MVB12B: variants seen among roughly 807,000 people sequenced by gnomAD.
MVB12B encodes the protein ESCRT-I complex subunit MVB12B.
MVB12B carries 16 observed loss-of-function variants against 41.6 expected under a neutral mutation model. That is an observed-to-expected ratio of 0.38 (90% CI 0.26 to 0.58). The LOEUF (loss-of-function observed/expected upper bound fraction) is 0.58, where lower values mean the gene tolerates loss of function less well. Ranked by LOEUF, MVB12B falls within the 20% of genes least tolerant of loss-of-function variation. The pLI is 0.62. For synonymous variants in MVB12B, 133 were observed against 139.7 expected (o/e 0.95, Z 0.34); for missense variants, 274 against 380.2 (o/e 0.72, Z 2.32).
intron 2 of MVB12B, among the ~76,000 whole-genome samples, chr9:126,377,521 C>G (rs560074880): frequency 6.6e-6 from 1 of 152,098 alleles, no homozygotes; most frequent in East Asian, 1.9e-4. Context: ...AAAAACTTCC[C>G]GTTACCTTAT....
At chr9:126,426,969 C>G (rs1030655271) in intron 7 of MVB12B, 3 of 152,342 alleles carry the variant, frequency 2.0e-5, no homozygotes, top group Admixed American at 6.5e-5. Context: ...AAAATGAGTG[C>G]TCTTGTTTTC....
chr9:126,429,549 T>A (rs1564326354), intron 7 of MVB12B, among the ~76,000 whole-genome samples: 1 of 152,214 alleles, frequency 6.6e-6, no homozygotes. Context: ...TTTGTGCAGA[T>A]GTTGGGCACA....
Position 126,340,657 on chromosome 9 carries a change from T to C in MVB12B, c.204+27T>C, listed in dbSNP as rs753052645. 8.1e-6 allele frequency: 13 copies of C among 1,610,004 alleles called. No homozygotes were observed. The South Asian group carries it at 1.4e-4, about 18-fold the overall frequency. On this transcript the variant is annotated intron_variant, in intron 2 of 9. Coordinates refer to ENST00000361171, the MANE Select transcript of MVB12B (RefSeq NM_033446.3). This position sits in a 1 kb window ranked among gnomAD's most constrained non-coding sequence, Gnocchi z 4.0. ...TAAGTCAAGATACTAGTTTGTACAT[T>C]TTGCTCACTGATTCTACAAGTATTT...
intron 7 of MVB12B, among the ~76,000 whole-genome samples, chr9:126,451,581 T>A (rs550636180): frequency 2.0e-5 from 3 of 151,784 alleles, no homozygotes; most frequent in African/African-American, 7.3e-5. Context: ...TATCCCCAGC[T>A]CCCAAAGCAG....
chr9:126,405,379 G>T (rs1190260026), intron 6 of MVB12B, among the ~76,000 whole-genome samples: 2 of 152,070 alleles, frequency 1.3e-5, no homozygotes, highest in East Asian at 1.9e-4. Context: ...CTTTTTTCAG[G>T]ATTATGAAAA....
chr9:126,395,446 C>A lies in MVB12B; in HGVS notation c.540-129C>A. 8.9e-7 allele frequency: 1 copy of A among 1,127,008 alleles called. No individual in the cohort carries two copies. The highest frequency in any genetic ancestry group is 1.3e-6 in the Non-Finnish European group (1 of 776,536). 69.8% of individuals were successfully genotyped at this position (1,127,008 alleles called of 1,614,324 possible). ...AAAGGAGACGGTGGAACCCATTTCA[C>A]GTGGAGGGCAAGAATTGATTCCCTG... On this transcript the variant is annotated intron_variant, in intron 5 of 9. Transcript: ENST00000361171. This position sits in a 1 kb window ranked among gnomAD's most constrained non-coding sequence, Gnocchi z 4.9.
At chr9:126,374,508 A>G (rs561369676) in intron 2 of MVB12B, among the ~76,000 whole-genome samples, 2 of 152,302 alleles carry the variant, frequency 1.3e-5, no homozygotes, top group South Asian at 4.1e-4. Context: ...AAGCTAGAGA[A>G]AGCAATCAGA....
Position 126,376,556 on chromosome 9 carries a change from A to C in MVB12B, c.205-4508A>C. 6 of 1,289,222 alleles carry C rather than the reference A, an allele frequency of 4.7e-6. No homozygotes were observed. Among genetic ancestry groups the C allele is most frequent in the Non-Finnish European group, 6.1e-6 (6 of 988,826 alleles). The allele number at this position is 1,289,222 out of a possible 1,614,324, so 79.9% of individuals were successfully genotyped here. A position where few individuals can be genotyped will look rare whatever the true frequency, so the allele number is the denominator to read the frequency against. On this transcript the variant is annotated intron_variant, in intron 2 of 9. Coordinates refer to ENST00000361171, the MANE Select transcript of MVB12B (RefSeq NM_033446.3). The surrounding 1 kb of genome is among the most constrained non-coding windows in gnomAD (Gnocchi z 4.1). ...GCTGGCTCAGATCGTGGGCTGGTCC[A>C]CCCTGGCGCTTTCCAGAGACAAAGC... is the stretch of plus-strand genomic sequence containing the variant.
intron 3 of MVB12B, among the ~76,000 whole-genome samples, chr9:126,384,264 C>A (rs1830709948): frequency 6.6e-6 from 1 of 151,960 alleles, no homozygotes; most frequent in South Asian, 2.1e-4. Context: ...TTCCCGAGGC[C>A]CAGCTACCTG....
chr9:126,413,009 C>T (rs1831696167), intron 6 of MVB12B, among the ~76,000 whole-genome samples: 1 of 152,160 alleles, frequency 6.6e-6, no homozygotes, highest in Non-Finnish European at 1.5e-5. Context: ...GGTCATTGGG[C>T]TGCTCCCAGT....
At chr9:126,494,511 A>AT (rs1833791318) in intron 9 of MVB12B, among the ~76,000 whole-genome samples, 1 of 152,240 alleles carries the variant, frequency 6.6e-6, no homozygotes, top group Admixed American at 6.5e-5. Flanking sequence ...AATTGAAGTC[A>AT]AGGTGAACAT....
chr9:126,330,332 C>G (rs541434767), intron 1 of MVB12B, among the ~76,000 whole-genome samples: 2 of 152,090 alleles, frequency 1.3e-5, no homozygotes, highest in Admixed American at 1.3e-4. Context: ...CACATACACA[C>G]ACACTTAAAA....
At chr9:126,434,974 T>C (rs905062577) in intron 7 of MVB12B, among the ~76,000 whole-genome samples, 2 of 152,206 alleles carry the variant, frequency 1.3e-5, no homozygotes, top group Non-Finnish European at 2.9e-5. Context: ...ACTCAATGTT[T>C]CGTTGATTCT....
chr9:126,475,410 A>G (rs2119196718), intron 7 of MVB12B, among the ~76,000 whole-genome samples: 1 of 152,344 alleles, frequency 6.6e-6, no homozygotes, highest in African/African-American at 2.4e-5. Context: ...CCTCCACAGT[A>G]GCCAGCTGTA....
At chr9:126,476,182 C>A (rs574757806) in intron 7 of MVB12B, among the ~76,000 whole-genome samples, 1 of 142,182 alleles carries the variant, frequency 7.0e-6, no homozygotes, top group East Asian at 2.0e-4. Flanking sequence ...TGCGGCATCC[C>A]GCAATGGTCT....
chr9:126,396,450 G>A (rs1419177608), intron 6 of MVB12B: 1 of 985,410 alleles, frequency 1.0e-6, no homozygotes, highest in African/African-American at 1.7e-5. Context: ...CTTAGGGATT[G>A]ACATAACGTA....
At chr9:126,387,606 T>C (rs1830834930) in intron 4 of MVB12B, among the ~76,000 whole-genome samples, 1 of 152,242 alleles carries the variant, frequency 6.6e-6, no homozygotes, top group Non-Finnish European at 1.5e-5. Context: ...GTATAGCATA[T>C]TTTTATTTTC....
At chr9:126,380,297 G>GACTCTCTC (rs1354042059) in intron 2 of MVB12B, among the ~76,000 whole-genome samples, 3 of 152,082 alleles carry the variant, frequency 2.0e-5, no homozygotes, top group African/African-American at 7.2e-5. Context: ...CTCCCACAAA[G>GACTCTCTC]CCTGGTCTTT....
In MVB12B at chr9:126,376,405, C is replaced by T; in HGVS notation, c.205-4659C>T. On this transcript the variant is annotated intron_variant, in intron 2 of 9. Coordinates refer to ENST00000361171, the MANE Select transcript of MVB12B (RefSeq NM_033446.3). This position sits in a 1 kb window ranked among gnomAD's most constrained non-coding sequence, Gnocchi z 4.1. ...CCCTTCTGTCATGTCTGAGCCTGTC[C>T]CCAGTGCCTGGTGACCCTTTGTTGT... The T allele has an allele frequency of 1.2e-6, 1 of 837,030 alleles. No homozygotes were observed. Among genetic ancestry groups the T allele is most frequent in the Non-Finnish European group, 1.7e-6 (1 of 577,342 alleles). The allele number at this position is 837,030 out of a possible 1,614,324, so 51.9% of individuals were successfully genotyped here. A position where few individuals can be genotyped will look rare whatever the true frequency, so the allele number is the denominator to read the frequency against.
Sources: allele counts gnomAD v4.1 joint callset (sites outside exome capture counted in the v4.1 genomes callset), GRCh38; gene constraint gnomAD v4.1.1; non-coding constraint Gnocchi (gnomAD v3.1); transcripts MANE v1.5; gene names NCBI Gene and HGNC (gene_info 2026-07-23, HGNC 2026-07-21).